DAAM1: variants seen among roughly 807,000 people sequenced by gnomAD.
DAAM1 encodes the protein disheveled-associated activator of morphogenesis 1.
DAAM1 carries 52 observed loss-of-function variants against 130.0 expected under a neutral mutation model. The observed-to-expected ratio is 0.40, with a 90% CI of 0.32 to 0.50. DAAM1 has a LOEUF of 0.50. DAAM1 is among the 20% of genes least tolerant of loss of function. DAAM1 has a pLI of 0.61. For missense variants in DAAM1, 1,134 were observed against 1,303.8 expected (o/e 0.87, Z 2.01); for synonymous variants, 452 against 444.5 (o/e 1.02, Z -0.21).
At chr14:59,311,146 GA>G (rs1245228232) in intron 3 of DAAM1, among the ~76,000 whole-genome samples, 1 of 152,156 alleles carries the variant, frequency 6.6e-6, no homozygotes, top group Non-Finnish European at 1.5e-5. Context: ...CTGCTACGAA[GA>G]AATTTTTGTC....
At chr14:59,244,242 A>ATC (rs1881259841) in intron 1 of DAAM1, among the ~76,000 whole-genome samples, 1 of 146,416 alleles carries the variant, frequency 6.8e-6, no homozygotes, top group Non-Finnish European at 1.5e-5. Context: ...CACTAAACCT[A>ATC]TTTTTTTTTT....
chr14:59,306,171 T>C (rs568075711), intron 3 of DAAM1, among the ~76,000 whole-genome samples: 1 of 152,270 alleles, frequency 6.6e-6, no homozygotes, highest in Non-Finnish European at 1.5e-5. Context: ...TTAGAACCTA[T>C]TGTTGGAGTA....
At chr14:59,357,101 C>A (rs1886510889) in intron 20 of DAAM1, among the ~76,000 whole-genome samples, 1 of 152,214 alleles carries the variant, frequency 6.6e-6, no homozygotes, top group Non-Finnish European at 1.5e-5. Context: ...TGTTGCTGTT[C>A]CTTCTTTTAA....
intron 1 of DAAM1, among the ~76,000 whole-genome samples, chr14:59,223,568 A>G (rs1231818494): frequency 6.6e-6 from 1 of 152,200 alleles, no homozygotes; most frequent in Non-Finnish European, 1.5e-5. Context: ...ATATGGCCCC[A>G]GTGGAAGAGC....
chr14:59,302,779 G>A (rs145716985), intron 3 of DAAM1, among the ~76,000 whole-genome samples: 1,980 of 152,100 alleles, frequency 0.013, 11 homozygotes, highest in Non-Finnish European at 0.021. Flanking sequence ...TCAGCCTCCC[G>A]AGTAGGTGGG....
intron 1 of DAAM1, among the ~76,000 whole-genome samples, chr14:59,193,018 A>G (rs954654057): frequency 6.6e-6 from 1 of 152,172 alleles, no homozygotes; most frequent in Non-Finnish European, 1.5e-5. Context: ...GCGCCACTGA[A>G]CTCCAGCCTG....
intron 4 of DAAM1, among the ~76,000 whole-genome samples, chr14:59,319,222 G>A (rs1446908782): frequency 2.0e-5 from 3 of 152,144 alleles, no homozygotes; most frequent in Non-Finnish European, 4.4e-5. Flanking sequence ...CCAGCAAGAG[G>A]ACAACTTTGC....
At chr14:59,361,375 C>A (rs1408763298) in intron 22 of DAAM1, among the ~76,000 whole-genome samples, 5 of 152,194 alleles carry the variant, frequency 3.3e-5, no homozygotes, top group Non-Finnish European at 7.4e-5. Context: ...GGAGCAGCCA[C>A]TTCCCTCAGC....
rs143155544 is a variant in DAAM1 at position 59,205,587 on chromosome 14, T to C, written c.-38+16819T>C. Among the ~76,000 whole-genome samples, 1,085 of 152,312 alleles carry C rather than the reference T, an allele frequency of 7.1e-3. 4 individuals carry two copies. Among genetic ancestry groups the C allele is most frequent in the Non-Finnish European group, 0.012 (794 of 68,022 alleles). ...AAAATTGAGGTCATGAAATAATTGC[T>C]TTTTTACAGTGAGCCTTTGCTAGTT... On this transcript the variant is annotated intron_variant, in intron 1 of 24. Coordinates refer to ENST00000360909, the MANE Select transcript of DAAM1 (RefSeq NM_001270520.2).
intron 6 of DAAM1, 95 bp downstream of exon 6, chr14:59,323,320 A>G: frequency 3.1e-6 from 4 of 1,310,738 alleles, no homozygotes; most frequent in East Asian, 5.1e-5. Flanking sequence ...GTTACTTGAG[A>G]TGTCCTCTTG....
intron 1 of DAAM1, among the ~76,000 whole-genome samples, chr14:59,262,104 T>A (rs376559536): frequency 2.0e-5 from 3 of 152,084 alleles, no homozygotes; most frequent in Admixed American, 2.0e-4. Context: ...TGAAGACTTA[T>A]AACAGTTACA....
At chr14:59,318,642 G>C (rs1884884060) in intron 4 of DAAM1, among the ~76,000 whole-genome samples, 1 of 151,980 alleles carries the variant, frequency 6.6e-6, no homozygotes, top group Admixed American at 6.6e-5. Context: ...AGAACATCAA[G>C]TTCAGCTACA....
intron 1 of DAAM1, among the ~76,000 whole-genome samples, chr14:59,209,372 T>C (rs1888359630): frequency 6.6e-6 from 1 of 152,220 alleles, no homozygotes; most frequent in Non-Finnish European, 1.5e-5. Context: ...ATTATTTTCT[T>C]AGGATAAATT....
chr14:59,260,759 G>C (rs1882124280), intron 1 of DAAM1, among the ~76,000 whole-genome samples: 1 of 152,176 alleles, frequency 6.6e-6, no homozygotes, highest in Non-Finnish European at 1.5e-5. Context: ...TTGATAAATT[G>C]CCCTTCAGAA....
chr14:59,273,355 A>G (rs1247820736), intron 2 of DAAM1, among the ~76,000 whole-genome samples: 1 of 152,194 alleles, frequency 6.6e-6, no homozygotes, highest in African/African-American at 2.4e-5. Flanking sequence ...TGCTTCTTAT[A>G]TCTTAATATT....
intron 21 of DAAM1, chr14:59,360,570 T>A: frequency 2.9e-6 from 1 of 340,226 alleles, no homozygotes; most frequent in Non-Finnish European, 5.2e-6. Flanking sequence ...TTCTATTCTA[T>A]TTTTAACCTG....
At chr14:59,328,364 T>A (rs374474487) in intron 12 of DAAM1, among the ~76,000 whole-genome samples, 42 of 152,314 alleles carry the variant, frequency 2.8e-4, no homozygotes, top group African/African-American at 6.0e-4. Flanking sequence ...GGTAAAGAGA[T>A]TAAACCAAAG....
At chr14:59,247,714 A>C (rs1881453167) in intron 1 of DAAM1, among the ~76,000 whole-genome samples, 2 of 150,938 alleles carry the variant, frequency 1.3e-5, no homozygotes, top group African/African-American at 4.8e-5. Context: ...ATCCAAGCTC[A>C]TGTTAAAAAA....
chr14:59,325,921 C>T lies in DAAM1; in HGVS notation c.1057-39C>T. 4 of 1,592,550 alleles carry T rather than the reference C, an allele frequency of 2.5e-6. No homozygotes were observed. In the South Asian group the frequency reaches 3.3e-5, roughly 13 times the overall value. ...ACTTTACACTGGGGAAACTGAGGAA[C>T]TTAGATGTTTGATTTGATTTCTTTT... On this transcript the variant is annotated intron_variant, in intron 9 of 24. Coordinates refer to ENST00000360909, the MANE Select transcript of DAAM1 (RefSeq NM_001270520.2).
Sources: gnomAD v4.1 joint callset for allele counts (sites outside exome capture counted in the v4.1 genomes callset) on GRCh38, gnomAD v4.1.1 for gene constraint, MANE v1.5 for transcripts, NCBI Gene and HGNC (gene_info 2026-07-23, HGNC 2026-07-21) for gene names.